Variants in TENM2 observed in about 807,000 individuals in gnomAD.
The protein encoded by TENM2 is teneurin transmembrane protein 2.
Under a neutral mutation model 245.2 loss-of-function variants are expected in TENM2, and 52 were observed. The observed-to-expected ratio is 0.21, with a 90% CI of 0.17 to 0.27. The LOEUF is 0.27. Ranked by LOEUF, TENM2 falls within the 10% of genes least tolerant of loss-of-function variation. The pLI, the probability that TENM2 is intolerant of heterozygous loss-of-function variation, is 1.00. For synonymous variants in TENM2, 1,363 were observed against 1,438.9 expected (o/e 0.95, Z 1.19); for missense variants, 3,046 against 3,666.8 (o/e 0.83, Z 4.37).
At chr5:167,091,956 C>G in the TENM2 span, among the ~76,000 whole-genome samples, 1 of 152,108 alleles carries the variant, frequency 6.6e-6, no homozygotes, top group Non-Finnish European at 1.5e-5. Context: ...TTTTGTTGAT[C>G]ACATTTTACC....
intron 12 of TENM2, among the ~76,000 whole-genome samples, chr5:168,144,934 T>C (rs1356319042): frequency 2.0e-5 from 3 of 151,146 alleles, no homozygotes; most frequent in Non-Finnish European, 4.5e-5. Context: ...TGGCCAGTGA[T>C]GACGAGCATT....
the TENM2 span, among the ~76,000 whole-genome samples, chr5:167,075,865 G>T: frequency 1.7e-3 from 264 of 152,276 alleles, no homozygotes; most frequent in African/African-American, 5.8e-3. Flanking sequence ...GCCCTACAAG[G>T]CTTCTGCCCT....
intron 5 of TENM2, among the ~76,000 whole-genome samples, chr5:168,020,468 C>G (rs1404774699): frequency 6.6e-6 from 1 of 152,198 alleles, no homozygotes; most frequent in Non-Finnish European, 1.5e-5. Context: ...CTGTGTTTGA[C>G]TTCACCTGGT....
intron 8 of TENM2, among the ~76,000 whole-genome samples, chr5:168,092,019 A>T (rs918490148): frequency 5.3e-5 from 8 of 151,914 alleles, no homozygotes; most frequent in African/African-American, 1.9e-4. Flanking sequence ...ACATCCGATT[A>T]TTTTTTTTCC....
At chr5:168,240,113 G>A (rs1338959547) in intron 25 of TENM2, among the ~76,000 whole-genome samples, 2 of 152,152 alleles carry the variant, frequency 1.3e-5, no homozygotes, top group Admixed American at 6.5e-5. Flanking sequence ...CCAGCTACTC[G>A]GGAGGCAGAG....
intron 2 of TENM2, among the ~76,000 whole-genome samples, chr5:167,415,979 T>C (rs1763149980): frequency 6.6e-6 from 1 of 152,148 alleles, no homozygotes; most frequent in South Asian, 2.1e-4. Flanking sequence ...GGAGAAGTAA[T>C]TGTGACAGCC....
the TENM2 span, among the ~76,000 whole-genome samples, chr5:167,042,806 G>A: frequency 2.0e-5 from 3 of 152,178 alleles, no homozygotes; most frequent in Non-Finnish European, 2.9e-5. Context: ...TCTTTCGGTA[G>A]GTCAATTGTT....
chr5:167,328,331 T>G (rs534594059), intron 1 of TENM2, among the ~76,000 whole-genome samples: 2 of 150,870 alleles, frequency 1.3e-5, no homozygotes, highest in Middle Eastern at 6.9e-3. Flanking sequence ...CTCAGCCTCC[T>G]GAGTAGCTTG....
chr5:168,070,814 AGAG>A (rs1165650229), intron 7 of TENM2, among the ~76,000 whole-genome samples: 2 of 135,308 alleles, frequency 1.5e-5, no homozygotes, highest in African/African-American at 5.4e-5. Flanking sequence ...AGAGAGAGAG[AGAG>A]AGAAAAAAAG....
At chr5:168,001,128 C>T (rs983509055) in intron 5 of TENM2, among the ~76,000 whole-genome samples, 1 of 152,156 alleles carries the variant, frequency 6.6e-6, no homozygotes, top group African/African-American at 2.4e-5. Flanking sequence ...TACCCAGAAT[C>T]CTTGATCCCT....
At chr5:168,067,852 G>T (rs1790643097) in intron 7 of TENM2, among the ~76,000 whole-genome samples, 1 of 152,148 alleles carries the variant, frequency 6.6e-6, no homozygotes, top group Admixed American at 6.5e-5. Context: ...CTGTCAGCTT[G>T]CATAGCACAT....
At chr5:167,078,488 AACAACAAC>A in the TENM2 span, among the ~76,000 whole-genome samples, 58,930 of 146,208 alleles carry the variant, frequency 0.4, 11,879 homozygotes, top group Non-Finnish European at 0.45. Context: ...TGTCTCAAAC[AACAACAAC>A]AACAACAACA....
rs757609870 is a variant in TENM2, at chr5:168,247,047, C to T, written c.6108C>T (p.Thr2036=). The T allele has an allele frequency of 1.2e-5, 19 of 1,613,810 alleles. No homozygotes were observed. Among genetic ancestry groups the T allele is most frequent in the African/African-American group, 2.7e-5 (2 of 74,892 alleles). Residue 2036 remains threonine, a synonymous_variant, in exon 27 of 29, where the codon ACC becomes ACT. Transcript: ENST00000518659. The surrounding 1 kb of genome is among the most constrained non-coding windows in gnomAD (Gnocchi z 7.8). ...TATCAGAGATTGTCTACGACAGTAC[C>T]GCCGTCACCTTCGGGTATGACGAGA...
the TENM2 span, among the ~76,000 whole-genome samples, chr5:167,088,650 A>G: frequency 1.5e-5 from 1 of 66,652 alleles, no homozygotes; most frequent in East Asian, 2.7e-4. Context: ...AAGAAAAAAG[A>G]AAAAAAAACA....
chr5:168,228,938 A>ATAAT lies in TENM2; in HGVS notation c.5520+811_5520+814dup, dbSNP rs1260764310. On this transcript the variant is annotated intron_variant, in intron 25 of 28. Coordinates refer to ENST00000518659, the Ensembl canonical transcript of TENM2. ...TAAACCCTATATTATATTATAATGTATAATTATATACATTATATGTATACA... is the reference window on the plus strand; with the variant it reads ...TAAACCCTATATTATATTATAATGTATAATTAATTATATACATTATATGTATACA... Among the ~76,000 whole-genome samples, 8 of 147,994 alleles carry ATAAT rather than the reference A, an allele frequency of 5.4e-5. No homozygotes were observed. The East Asian group carries it at 1.4e-3, about 25-fold the overall frequency.
chr5:167,937,909 C>G (rs1778860073), intron 3 of TENM2: 1 of 152,210 alleles, frequency 6.6e-6, no homozygotes, highest in African/African-American at 2.4e-5. Flanking sequence ...AAGTCTTGCT[C>G]CATTTCATGC....
Position 168,218,682 on chromosome 5 carries a change from C to G in TENM2, c.4791C>G (p.Asn1597Lys). ...GAGAGCAGGAGTTATATGTTTTCAA[C>G]GCTGATGGCATCCACCAATACACTG... Residue 1597 changes from asparagine to lysine, a missense_variant, in exon 23 of 29, where the codon AAC becomes AAG. Transcript: ENST00000518659. The surrounding 1 kb of genome is among the most constrained non-coding windows in gnomAD (Gnocchi z 5.2). The G allele has an allele frequency of 6.2e-7, 1 of 1,614,008 alleles. No individual in the cohort carries two copies. The highest frequency in any genetic ancestry group is 8.5e-7 in the Non-Finnish European group (1 of 1,179,898).
the TENM2 span, among the ~76,000 whole-genome samples, chr5:167,270,307 T>C: frequency 1.3e-5 from 2 of 152,200 alleles, no homozygotes; most frequent in African/African-American, 2.4e-5. Context: ...ACTACTGTTA[T>C]TGTTCATGGC....
intron 2 of TENM2, among the ~76,000 whole-genome samples, chr5:167,449,111 G>C (rs1261551626): frequency 6.6e-6 from 1 of 151,954 alleles, no homozygotes; most frequent in Non-Finnish European, 1.5e-5. Context: ...AAATAAAATT[G>C]TAATGTGGCC....
Sources: allele counts gnomAD v4.1 joint callset (sites outside exome capture counted in the v4.1 genomes callset), GRCh38; gene constraint gnomAD v4.1.1; non-coding constraint Gnocchi (gnomAD v3.1); transcripts MANE v1.5; gene names NCBI Gene and HGNC (gene_info 2026-07-23, HGNC 2026-07-21).